Variants in KIF11 observed in about 807,000 individuals in gnomAD.
KIF11 encodes the protein kinesin-like protein KIF11.
Under a neutral mutation model 121.0 loss-of-function variants are expected in KIF11, and 9 were observed. The observed-to-expected ratio is 0.07, with a 90% CI of 0.04 to 0.13. The LOEUF (loss-of-function observed/expected upper bound fraction) is 0.13. Ranked by LOEUF, KIF11 falls within the 10% of genes least tolerant of loss-of-function variation. The probability of loss-of-function intolerance (pLI) is 1.00; values close to 1 mark genes in which losing one functional copy is unlikely to be tolerated. For synonymous variants in KIF11, 408 were observed against 421.0 expected, an observed-to-expected ratio of 0.97 and a Z score of 0.38; for missense variants, 846 against 1,217.5, an observed-to-expected ratio of 0.69 and a Z score of 4.54.
In KIF11 at chr10:92,613,010, A is replaced by G; in HGVS notation, c.699-30A>G. On this transcript the variant is annotated intron_variant, in intron 6 of 21. Transcript: ENST00000260731. The surrounding 1 kb of genome is among the most constrained non-coding windows in gnomAD (Gnocchi z 4.2). The stretch of plus-strand genomic sequence containing the variant: ...GCAGCAAATGCTATTTTACATTATA[A>G]TGACTGGGCAACTTGATATTGTTTT... 7.6e-7 allele frequency: 1 copy of G among 1,321,726 alleles called. No individual in the cohort carries two copies. Among genetic ancestry groups the G allele is most frequent in the South Asian group, 1.2e-5 (1 of 81,962 alleles). The allele number at this position is 1,321,726 out of a possible 1,614,324, so 81.9% of individuals were successfully genotyped here.
At position 92,648,328 on chromosome 10, in the gene KIF11, A is replaced by G. The variant is rs147519860; in HGVS notation, c.2664A>G (p.Glu888=). The G allele has an allele frequency of 1.1e-4, 171 of 1,612,436 alleles. 2 individuals are homozygous for G. The African/African-American group carries it at 2.0e-3, about 19-fold the overall frequency. The change falls in exon 19 of 22, where the codon GAA becomes GAG. Residue 888 remains glutamate, a synonymous_variant. Transcript: ENST00000260731. ...TTCTTGATCAGATGACTATTGATGA[A>G]GATAAATTGATAGCACAAAATCTAG... ...NIFLDQMTID[E]DKLIAQNLEL... is the part of the protein sequence containing the mutation.
chr10:92,597,579 T>TA (rs1395553223), intron 1 of KIF11, among the ~76,000 whole-genome samples: 3 of 152,106 alleles, frequency 2.0e-5, no homozygotes, highest in Non-Finnish European at 2.9e-5. Flanking sequence ...CTCTTTTTTT[T>TA]ACCTTGATCT....
chr10:92,648,204 A>AT lies in KIF11; in HGVS notation c.2548-5dup, dbSNP rs772691153. 1.9e-6 allele frequency: 3 copies of AT among 1,545,972 alleles called. No individual in the cohort carries two copies. The highest frequency in any genetic ancestry group is 2.6e-6 in the Non-Finnish European group (3 of 1,134,528). ...TTAGTAATAAATATTTATTTGCATC[A>AT]TTTACAGGTTGTAAGCCAATGTTGT... On this transcript the variant is annotated splice_polypyrimidine_tract_variant and splice_region_variant and intron_variant, in intron 18 of 21. Transcript: ENST00000260731.
chr10:92,647,924 C>T (rs1305367191), intron 18 of KIF11, among the ~76,000 whole-genome samples: 1 of 151,970 alleles, frequency 6.6e-6, no homozygotes, highest in Admixed American at 6.6e-5. Context: ...GCTTGGGCAA[C>T]ATGGTGAAAT....
At chr10:92,606,547 C>A in intron 2 of KIF11, 72 bp from the exon 3 acceptor site, 1 of 1,198,558 alleles carries the variant, frequency 8.3e-7, no homozygotes, top group Non-Finnish European at 1.2e-6. Context: ...AATTAGTTAA[C>A]ATACGAAAAA....
chr10:92,630,735 G>A (rs1030559997), intron 12 of KIF11, among the ~76,000 whole-genome samples: 5 of 151,178 alleles, frequency 3.3e-5, no homozygotes, highest in Non-Finnish European at 5.9e-5. Context: ...GCGTGGTGGC[G>A]CATGCCTGTA....
chr10:92,650,404 G>A lies in KIF11; in HGVS notation c.2926G>A (p.Val976Met), dbSNP rs750288920. ...ENNKEETIPD[V>M]DVEEAVLGQY... ...CTCATCCAGTTTCTTCTTTTAGGAT[G>A]TGGATGTAGAAGAGGCAGTTCTGGG... The change falls in exon 21 of 22, where the codon GTG becomes ATG. Residue 976 changes from valine to methionine, a missense_variant. Physicochemically the swap from Val to Met is conservative, Grantham distance 21. Coordinates refer to ENST00000260731, the MANE Select transcript of KIF11 (RefSeq NM_004523.4). 1.3e-6 allele frequency: 2 copies of A among 1,587,056 alleles called. No homozygotes were observed. Among genetic ancestry groups the A allele is most frequent in the Non-Finnish European group, 1.7e-6 (2 of 1,155,284 alleles).
chr10:92,644,445 G>A (rs558225833), intron 17 of KIF11, among the ~76,000 whole-genome samples: 1 of 152,152 alleles, frequency 6.6e-6, no homozygotes, highest in South Asian at 2.1e-4. Context: ...TCTCTCCCAA[G>A]TAGCTGAGAT....
chr10:92,648,108 C>CAAA (rs34357393), intron 18 of KIF11, 104 bp from the exon 19 acceptor site: 67 of 685,326 alleles, frequency 9.8e-5, no homozygotes, highest in South Asian at 4.4e-4. Context: ...GACTTGTCTC[C>CAAA]AAAAAAAAAA....
chr10:92,618,820 C>T (rs1844588639), intron 9 of KIF11, among the ~76,000 whole-genome samples: 1 of 151,942 alleles, frequency 6.6e-6, no homozygotes, highest in Non-Finnish European at 1.5e-5. Context: ...TGTATAGGTT[C>T]ATGTATTTAC....
intron 1 of KIF11, among the ~76,000 whole-genome samples, chr10:92,604,102 G>A (rs905301832): frequency 6.6e-6 from 1 of 152,218 alleles, no homozygotes; most frequent in East Asian, 1.9e-4. Context: ...CTATGGTGAA[G>A]CCAACAAATT....
Position 92,637,379 on chromosome 10 carries a change from C to A in KIF11, c.2002-8C>A. 1 of 1,577,136 alleles carries A rather than the reference C, an allele frequency of 6.3e-7. No individual in the cohort carries two copies. Among genetic ancestry groups the A allele is most frequent in the African/African-American group, 1.4e-5 (1 of 72,110 alleles). ...TTAAGAAGGAAACTCATTTTTGTTT[C>A]TTCAAAGATAGAAGATCAAAAAAAG... On this transcript the variant is annotated splice_polypyrimidine_tract_variant and splice_region_variant and intron_variant, in intron 15 of 21. Transcript: ENST00000260731.
intron 19 of KIF11, 139 bp from the exon 20 acceptor site, chr10:92,649,696 T>C (rs955392957): frequency 3.5e-6 from 2 of 578,316 alleles, no homozygotes; most frequent in African/African-American, 3.7e-5. Flanking sequence ...GTCTGACAGG[T>C]AGCAAGACTG....
chr10:92,600,831 C>T (rs1213092170), intron 1 of KIF11, among the ~76,000 whole-genome samples: 1 of 152,112 alleles, frequency 6.6e-6, no homozygotes, highest in African/African-American at 2.4e-5. Flanking sequence ...ATATAATCTG[C>T]AGACAGATAA....
At chr10:92,607,703 T>C (rs1260004850) in intron 4 of KIF11, among the ~76,000 whole-genome samples, 1 of 152,176 alleles carries the variant, frequency 6.6e-6, no homozygotes, top group Non-Finnish European at 1.5e-5. Context: ...AAGATTTCCA[T>C]GAATTTAAGT....
At chr10:92,612,189 G>T (rs1005585955) in intron 6 of KIF11, among the ~76,000 whole-genome samples, 1 of 151,670 alleles carries the variant, frequency 6.6e-6, no homozygotes, top group Non-Finnish European at 1.5e-5. Context: ...AGGCTGGAGT[G>T]CAGTAACTCA....
In KIF11 at chr10:92,629,988, G is replaced by A. The variant is rs28692618; in HGVS notation, c.1306-188G>A. Among the ~76,000 whole-genome samples the A allele has an allele frequency of 0.15, 22,692 of 152,042 alleles. 3,603 individuals carry two copies. The highest frequency in any genetic ancestry group is 0.4 in the African/African-American group (16,500 of 41,414). ...CTGAAGAATTAATAGTACTACACCAGACCTATTATTTAATCTCAAAGTGTT... is the reference window on the plus strand; with the variant it reads ...CTGAAGAATTAATAGTACTACACCAAACCTATTATTTAATCTCAAAGTGTT... On this transcript the variant is annotated intron_variant, in intron 11 of 21. Transcript: ENST00000260731.
intron 17 of KIF11, among the ~76,000 whole-genome samples, chr10:92,641,696 C>T (rs577942993): frequency 6.6e-6 from 1 of 152,326 alleles, no homozygotes; most frequent in East Asian, 1.9e-4. Context: ...TTCACCAAAA[C>T]TTGGGAAATT....
chr10:92,622,880 C>T (rs1844633561), intron 10 of KIF11, among the ~76,000 whole-genome samples: 1 of 152,100 alleles, frequency 6.6e-6, no homozygotes, highest in Non-Finnish European at 1.5e-5. Context: ...AGCACATATT[C>T]ACATGGCGGC....
Sources: gnomAD v4.1 joint callset for allele counts (sites outside exome capture counted in the v4.1 genomes callset) on GRCh38, gnomAD v4.1.1 for gene constraint, Gnocchi (gnomAD v3.1) non-coding constraint, MANE v1.5 for transcripts, NCBI Gene and HGNC (gene_info 2026-07-23, HGNC 2026-07-21) for gene names.